Variants in SYTL2 observed in about 807,000 individuals in gnomAD.
The protein encoded by SYTL2 is synaptotagmin-like protein 2.
A neutral mutation model predicts 198.7 loss-of-function variants in SYTL2; 165 were observed. The ratio of observed to expected loss-of-function variants is 0.83; its 90% CI spans 0.73 to 0.94. The LOEUF is 0.94. SYTL2 is among the 40% of genes least tolerant of loss of function. The pLI is 0.00. For missense variants in SYTL2, 2,835 were observed against 2,582.8 expected (o/e 1.10, Z -2.12); for synonymous variants, 966 against 917.7 (o/e 1.05, Z -0.95).
intron 1 of SYTL2, among the ~76,000 whole-genome samples, chr11:85,762,904 C>A (rs1004873156): frequency 1.3e-5 from 2 of 151,936 alleles, no homozygotes; most frequent in East Asian, 3.9e-4. Flanking sequence ...TTTGTATTCC[C>A]AGCTCTTGCC....
chr11:85,710,718 T>C (rs1475053624), intron 13 of SYTL2, among the ~76,000 whole-genome samples: 3 of 152,200 alleles, frequency 2.0e-5, no homozygotes, highest in African/African-American at 4.8e-5. Context: ...AACCAGTATA[T>C]TGATTGCTCA....
chr11:85,851,137 T>C, the SYTL2 span, among the ~76,000 whole-genome samples: 1 of 152,082 alleles, frequency 6.6e-6, no homozygotes, highest in Non-Finnish European at 1.5e-5. Context: ...GTATCTAACC[T>C]GCACCATGTG....
At chr11:85,834,398 T>C in the SYTL2 span, among the ~76,000 whole-genome samples, 2 of 152,174 alleles carry the variant, frequency 1.3e-5, no homozygotes, top group African/African-American at 4.8e-5. Flanking sequence ...CCTTTTTCTT[T>C]ATGGTTTTGC....
In SYTL2 at chr11:85,726,299, T is replaced by C; in HGVS notation, c.3059A>G (p.His1020Arg). 3 of 1,614,056 alleles carry C rather than the reference T, an allele frequency of 1.9e-6. No homozygotes were observed. The highest frequency in any genetic ancestry group is 2.5e-6 in the Non-Finnish European group (3 of 1,179,946). Residue 1020 changes from histidine (H) to arginine (R), a missense_variant, in exon 8 of 20, where the codon CAC (histidine) becomes CGC (arginine). His to Arg is a conservative substitution (Grantham distance 29). Transcript: ENST00000359152. ...TAATTTAATGTCGCTGAATTCCTTGTGTTTCTGCCTATTAAAAGGTGCAGA... is the reference window on the plus strand; with the variant it reads ...TAATTTAATGTCGCTGAATTCCTTGCGTTTCTGCCTATTAAAAGGTGCAGA... ...KNSAPFNRQK[H>R]KEFSDIKLSG... is the part of the protein sequence containing the mutation.
intron 13 of SYTL2, 92 bp from the exon 14 acceptor site, chr11:85,709,592 C>G: frequency 8.2e-7 from 1 of 1,218,312 alleles, no homozygotes; most frequent in South Asian, 1.4e-5. Flanking sequence ...GGCATTATTT[C>G]TTTAGCTTGC....
At chr11:85,817,775 T>G in the SYTL2 span, among the ~76,000 whole-genome samples, 2 of 152,210 alleles carry the variant, frequency 1.3e-5, no homozygotes, top group African/African-American at 4.8e-5. Flanking sequence ...TTGAAAGATC[T>G]TACATCTGTG....
At chr11:85,714,011 G>T (rs938563519) in intron 12 of SYTL2, among the ~76,000 whole-genome samples, 1 of 152,164 alleles carries the variant, frequency 6.6e-6, no homozygotes, top group African/African-American at 2.4e-5. Context: ...ACTCCTTAAA[G>T]CTTGATGTGT....
In SYTL2 at chr11:85,726,777, C is replaced by T; in HGVS notation, c.2581G>A (p.Glu861Lys). The T allele has an allele frequency of 6.5e-7, 1 of 1,536,166 alleles. No individual in the cohort carries two copies. The highest frequency in any genetic ancestry group is 8.7e-7 in the Non-Finnish European group (1 of 1,146,874). Residue 861 changes from glutamate to lysine, a missense_variant, in exon 8 of 20, where the codon GAG becomes AAG. By Grantham distance (56) the Glu-to-Lys change is moderately conservative (BLOSUM62 1). Around this residue, in one of 3 missense-constraint regions of SYTL2, gnomAD observed 2,645 missense variants for 2,381.7 expected, o/e 1.11. Coordinates refer to ENST00000359152, the MANE Select transcript of SYTL2 (RefSeq NM_206927.4). ...QAIPKRVVLD[E>K]DDQASQLSNS... ...GAGAGCTGGGATGCTTGATCATCCT[C>T]ATCTAAGACCACTCGTTTGGGAATG...
chr11:85,824,743 C>T, the SYTL2 span, among the ~76,000 whole-genome samples: 42 of 152,292 alleles, frequency 2.8e-4, no homozygotes, highest in Non-Finnish European at 7.3e-5. Context: ...AGAAGCAGGT[C>T]CTGCTTAGCA....
intron 16 of SYTL2, 150 bp from the exon 17 acceptor site, chr11:85,700,743 AC>A: frequency 1.7e-6 from 1 of 603,172 alleles, no homozygotes; most frequent in Non-Finnish European, 3.0e-6. Flanking sequence ...CTGCATCAGA[AC>A]TAGACTGTTG....
intron 1 of SYTL2, among the ~76,000 whole-genome samples, chr11:85,787,691 TTTTC>T (rs1390106325): frequency 3.4e-4 from 30 of 88,078 alleles, no homozygotes; most frequent in South Asian, 1.6e-3. Flanking sequence ...TTCTGTTTTT[TTTTC>T]TTTTCCTTTT....
intron 1 of SYTL2, among the ~76,000 whole-genome samples, chr11:85,797,438 G>C (rs992516458): frequency 8.6e-5 from 13 of 151,902 alleles, no homozygotes; most frequent in Non-Finnish European, 1.6e-4. Context: ...GACCAGCCTG[G>C]CCAACATGGT....
intron 16 of SYTL2, 80 bp from the exon 17 acceptor site, chr11:85,700,673 T>C: frequency 9.7e-7 from 1 of 1,035,464 alleles, no homozygotes; most frequent in Non-Finnish European, 1.5e-6. Flanking sequence ...TACAGAACCA[T>C]ATCTGTCCCA....
chr11:85,821,107 T>C, the SYTL2 span, among the ~76,000 whole-genome samples: 15 of 152,240 alleles, frequency 9.9e-5, no homozygotes, highest in East Asian at 5.8e-4. Flanking sequence ...ATAACACCTA[T>C]TAATTATGAA....
chr11:85,721,495 T>C (rs1301487205), intron 8 of SYTL2, among the ~76,000 whole-genome samples: 2 of 152,062 alleles, frequency 1.3e-5, no homozygotes, highest in Admixed American at 1.3e-4. Context: ...CATGGGATAG[T>C]CAAATTTTTA....
At chr11:85,701,238 A>G (rs1324746913) in intron 16 of SYTL2, among the ~76,000 whole-genome samples, 2 of 152,212 alleles carry the variant, frequency 1.3e-5, no homozygotes, top group African/African-American at 4.8e-5. Flanking sequence ...ACGTAATGAG[A>G]TATCTTAGGG....
intron 1 of SYTL2, among the ~76,000 whole-genome samples, chr11:85,766,110 T>C (rs1426517371): frequency 6.6e-6 from 1 of 152,138 alleles, no homozygotes; most frequent in Non-Finnish European, 1.5e-5. Flanking sequence ...CGCTGGACCC[T>C]GAAACCATAA....
At chr11:85,808,887 A>T (rs200610779) in intron 1 of SYTL2, among the ~76,000 whole-genome samples, 139 of 10,588 alleles carry the variant, frequency 0.013, no homozygotes, top group African/African-American at 0.066. Flanking sequence ...CTCTTAATTT[A>T]AAAAAAAAAA....
At chr11:85,703,403 A>G (rs2084641497) in intron 16 of SYTL2, among the ~76,000 whole-genome samples, 1 of 152,194 alleles carries the variant, frequency 6.6e-6, no homozygotes, top group Non-Finnish European at 1.5e-5. Context: ...AAAAGAACAC[A>G]TAACCTTCAA....
Sources: gnomAD v4.1 joint callset for allele counts (sites outside exome capture counted in the v4.1 genomes callset) on GRCh38, gnomAD v4.1.1 for gene constraint, gnomAD v4.1.1 regional missense constraint, MANE v1.5 for transcripts, NCBI Gene and HGNC (gene_info 2026-07-23, HGNC 2026-07-21) for gene names.